Variants in RSAD2 observed in about 807,000 individuals in gnomAD.
RSAD2 encodes radical S-adenosyl methionine domain containing 2, also known as S-adenosylmethionine-dependent nucleotide dehydratase RSAD2.
A neutral mutation model predicts 37.7 loss-of-function variants in RSAD2; 38 were observed. That is an observed-to-expected ratio of 1.01 (90% confidence interval 0.78 to 1.32). The LOEUF (loss-of-function observed/expected upper bound fraction) is 1.32, where lower values mean the gene tolerates loss of function less well. Ranked by LOEUF, RSAD2 falls within the 40% of genes most tolerant of loss-of-function variation. RSAD2 has a pLI of 0.00. For synonymous variants in RSAD2, 163 were observed against 157.4 expected, an observed-to-expected ratio of 1.04 and a Z score of -0.27; for missense variants, 428 against 437.5, an observed-to-expected ratio of 0.98 and a Z score of 0.19.
At chr2:6,894,295 C>CT (rs5829085) in intron 5 of RSAD2, among the ~76,000 whole-genome samples, 1 of 151,664 alleles carries the variant, frequency 6.6e-6, no homozygotes, top group South Asian at 2.1e-4. Flanking sequence ...TTTCCTCTGT[C>CT]TTTTTTTTTC....
intron 4 of RSAD2, among the ~76,000 whole-genome samples, chr2:6,893,389 A>G (rs978357306): frequency 6.6e-6 from 1 of 152,208 alleles, no homozygotes; most frequent in Non-Finnish European, 1.5e-5. Flanking sequence ...AGGGTTGGGG[A>G]AATTGCCTTG....
chr2:6,888,861 G>T lies in RSAD2; in HGVS notation c.739-1315G>T, dbSNP rs191232647. 2.0e-3 allele frequency among the ~76,000 whole-genome samples: 309 copies of T among 152,324 alleles called. 2 individuals are homozygous for T. Among genetic ancestry groups the T allele is most frequent in the Non-Finnish European group, 4.9e-4 (33 of 68,028 alleles). On this transcript the variant is annotated intron_variant, in intron 3 of 5. Coordinates refer to ENST00000382040, the MANE Select transcript of RSAD2 (RefSeq NM_080657.5). ...ACTCAGAACCTAGTTTCCTGAGGCT[G>T]CCTCCTCCACTGTGAGGCTGTGGGC...
chr2:6,893,668 C>T lies in RSAD2; in HGVS notation c.889-3C>T, dbSNP rs1021276584. 1.2e-5 allele frequency: 19 copies of T among 1,605,966 alleles called. No individual in the cohort carries two copies. The highest frequency in any genetic ancestry group is 1.6e-5 in the Non-Finnish European group (19 of 1,172,862). On this transcript the variant is annotated splice_polypyrimidine_tract_variant and splice_region_variant and intron_variant, in intron 4 of 5. Coordinates refer to ENST00000382040, the MANE Select transcript of RSAD2 (RefSeq NM_080657.5). ...TAAATTTGTATTAACTTCTCCTTTG[C>T]AGATGAAAGACTCCTACCTTATTCT...
chr2:6,892,600 G>T (rs1262846916), intron 4 of RSAD2, among the ~76,000 whole-genome samples: 1 of 152,128 alleles, frequency 6.6e-6, no homozygotes, highest in Non-Finnish European at 1.5e-5. Flanking sequence ...GAATTTTGAT[G>T]ACCCCAAAGC....
upstream of RSAD2, chr2:6,877,644 A>G (rs886410739): frequency 1.6e-6 from 1 of 612,430 alleles, no homozygotes; most frequent in African/African-American, 1.8e-5. Context: ...TCAGTTTCAC[A>G]TGTGGAAAAA....
intron 1 of RSAD2, among the ~76,000 whole-genome samples, chr2:6,870,890 C>T (rs1285746118): frequency 1.3e-5 from 2 of 152,182 alleles, no homozygotes; most frequent in East Asian, 3.8e-4. Flanking sequence ...TTCTGGCACT[C>T]CAGCTGGATT....
chr2:6,890,108 G>A, intron 3 of RSAD2, 68 bp from the exon 4 acceptor site: 2 of 1,476,564 alleles, frequency 1.4e-6, no homozygotes, highest in Non-Finnish European at 9.4e-7. Flanking sequence ...TTGAAAAGGG[G>A]GAGTGAGGTT....
rs78353078 is a variant in RSAD2 at position 6,893,083 on chromosome 2, T to A, written c.889-588T>A. Among the ~76,000 whole-genome samples, 3 of 152,330 alleles carry A rather than the reference T, an allele frequency of 2.0e-5. No individual in the cohort carries two copies. In the East Asian group the frequency reaches 5.8e-4, roughly 29 times the overall value. ...CCTGCTAAGCAGAAAATATTTGCTA[T>A]CTGGCCCTTTACAGAAAACATTTTA... On this transcript the variant is annotated intron_variant, in intron 4 of 5. Coordinates refer to ENST00000382040, the MANE Select transcript of RSAD2 (RefSeq NM_080657.5).
rs776465453 is a variant in RSAD2, at chr2:6,887,129, G to A, written c.703G>A (p.Glu235Lys). The A allele has an allele frequency of 1.9e-6, 3 of 1,614,136 alleles. No homozygotes were observed. The highest frequency in any genetic ancestry group is 2.5e-6 in the Non-Finnish European group (3 of 1,179,980). The change falls in exon 3 of 6, where the codon GAA (glutamate) becomes AAA (lysine). Residue 235 changes from glutamate (E) to lysine (K), a missense_variant. Physicochemically the swap from Glu to Lys is moderately conservative, Grantham distance 56. Transcript: ENST00000382040. The part of the protein sequence containing the change: ...NRFNVEEDMT[E>K]QIKALNPVRW... ...TTTCAACGTGGAAGAGGACATGACG[G>A]AACAGATCAAAGCACTAAACCCTGT...
chr2:6,896,008 G>T lies in RSAD2; in HGVS notation c.*66G>T. The T allele has an allele frequency of 2.0e-6, 3 of 1,490,898 alleles. No homozygotes were observed. Among genetic ancestry groups the T allele is most frequent in the Non-Finnish European group, 2.8e-6 (3 of 1,086,776 alleles). The allele number at this position is 1,490,898 out of a possible 1,614,324, so 92.4% of individuals were successfully genotyped here. A position where few individuals can be genotyped will look rare whatever the true frequency, so the allele number is the denominator to read the frequency against. On this transcript the variant is annotated 3_prime_UTR_variant, in exon 6 of 6. Transcript: ENST00000382040. ...ACTCCTAGAGTAACTGCCATTGTCT[G>T]CAATACTATCCCGTTGGTATTTCCC...
At chr2:6,885,880 C>T (rs970145943) in intron 2 of RSAD2, among the ~76,000 whole-genome samples, 50 of 152,226 alleles carry the variant, frequency 3.3e-4, no homozygotes, top group Admixed American at 2.7e-3. Flanking sequence ...ATTTTTAGAA[C>T]GTTTTGAGTT....
At chr2:6,889,173 C>T (rs1663580796) in intron 3 of RSAD2, among the ~76,000 whole-genome samples, 1 of 152,198 alleles carries the variant, frequency 6.6e-6, no homozygotes, top group Non-Finnish European at 1.5e-5. Context: ...GTCAAGTCTG[C>T]TCATGATTCA....
In RSAD2 at chr2:6,886,928, C is replaced by T. The variant is rs1558336663; in HGVS notation, c.509-7C>T. 6.2e-7 allele frequency: 1 copy of T among 1,608,508 alleles called. No individual in the cohort carries two copies. Among genetic ancestry groups the T allele is most frequent in the Non-Finnish European group, 8.5e-7 (1 of 1,175,074 alleles). Reference sequence around the variant, plus strand: ...AGAAAAGTTTAAACATGATCATTTTCCCTCAGGTGAGTATTTGGACATTCT... The same window carrying T: ...AGAAAAGTTTAAACATGATCATTTTTCCTCAGGTGAGTATTTGGACATTCT... On this transcript the variant is annotated splice_polypyrimidine_tract_variant and splice_region_variant and intron_variant, in intron 2 of 5. Transcript: ENST00000382040.
In RSAD2 at chr2:6,896,063, C is replaced by T. The variant is rs899082896; in HGVS notation, c.*121C>T. ...GCTGAAAACCTGATTTTCTGCTGCA[C>T]GTGGCATCTGATTACCTGTGGTCAC... is the stretch of plus-strand genomic sequence containing the variant. On this transcript the variant is annotated 3_prime_UTR_variant, in exon 6 of 6. Transcript: ENST00000382040. 7.8e-6 allele frequency: 7 copies of T among 903,054 alleles called. No homozygotes were observed. Among genetic ancestry groups the T allele is most frequent in the South Asian group, 3.9e-5 (2 of 51,588 alleles). The allele number at this position is 903,054 out of a possible 1,614,324, so 55.9% of individuals were successfully genotyped here. A position where few individuals can be genotyped will look rare whatever the true frequency, so the allele number is the denominator to read the frequency against.
chr2:6,890,284 C>T lies in RSAD2; in HGVS notation c.847C>T (p.His283Tyr). 2 of 1,614,170 alleles carry T rather than the reference C, an allele frequency of 1.2e-6. No individual in the cohort carries two copies. The highest frequency in any genetic ancestry group is 1.7e-6 in the Non-Finnish European group (2 of 1,180,022). ...AGAATTTGAAAGATTCTTGGAGCGC[C>T]ACAAAGAAGTGTCCTGCTTGGTGCC... ...DEEFERFLER[H>Y]KEVSCLVPES... Residue 283 changes from histidine to tyrosine, a missense_variant, in exon 4 of 6, where the codon CAC (histidine) becomes TAC (tyrosine). By Grantham distance (83) the His-to-Tyr change is moderately conservative. Transcript: ENST00000382040.
At chr2:6,877,148 A>G (rs574411327), upstream of RSAD2, 2 of 152,372 alleles carry the variant, frequency 1.3e-5, no homozygotes, top group East Asian at 1.9e-4. Flanking sequence ...AGTTAAAAAC[A>G]TCTATAAAAA....
chr2:6,869,733 C>A (rs985888573), intron 1 of RSAD2, among the ~76,000 whole-genome samples: 1 of 152,190 alleles, frequency 6.6e-6, no homozygotes, highest in Non-Finnish European at 1.5e-5. Flanking sequence ...CTGGAAATTA[C>A]AACTACAATG....
Position 6,898,163 on chromosome 2 carries a change from A to AG in RSAD2, c.*2224dup, listed in dbSNP as rs1352137568. On this transcript the variant is annotated 3_prime_UTR_variant, in exon 6 of 6. Coordinates refer to ENST00000382040, the MANE Select transcript of RSAD2 (RefSeq NM_080657.5). Reference sequence around the variant, plus strand: ...GTTGGAATGAATTTTTTTCTAGCTGAGGGAAACTGTATTTTTCTTTCCCCA... The same window carrying AG: ...GTTGGAATGAATTTTTTTCTAGCTGAGGGGAAACTGTATTTTTCTTTCCCCA... 6.6e-6 allele frequency: 1 copy of AG among 152,172 alleles called. No individual in the cohort carries two copies. Among genetic ancestry groups the AG allele is most frequent in the African/African-American group, 2.4e-5 (1 of 41,428 alleles). The allele number at this position is 152,172 out of a possible 1,614,324, so 9.4% of individuals were successfully genotyped here. A position where few individuals can be genotyped will look rare whatever the true frequency, so the allele number is the denominator to read the frequency against.
intron 4 of RSAD2, among the ~76,000 whole-genome samples, chr2:6,891,152 A>G (rs1378919162): frequency 1.3e-5 from 2 of 152,080 alleles, no homozygotes; most frequent in African/African-American, 4.8e-5. Context: ...TATGAACACC[A>G]AAAAAAGCAA....
Sources: allele counts gnomAD v4.1 joint callset (sites outside exome capture counted in the v4.1 genomes callset), GRCh38; gene constraint gnomAD v4.1.1; transcripts MANE v1.5; gene names NCBI Gene and HGNC (gene_info 2026-07-23, HGNC 2026-07-21).